Variants in LIN54 observed in about 807,000 individuals in gnomAD.
LIN54 encodes the protein lin-54 DREAM MuvB core complex component.
A neutral mutation model predicts 78.7 loss-of-function variants in LIN54; 9 were observed. That is an observed-to-expected ratio of 0.11 (90% CI 0.07 to 0.20). The LOEUF is 0.20. Among genes scored for constraint, LIN54 ranks in the 10% least tolerant of loss-of-function variants. The pLI is 1.00. For synonymous variants in LIN54, 269 were observed against 318.4 expected (o/e 0.84, Z 1.65); for missense variants, 573 against 889.9 (o/e 0.64, Z 4.53).
In LIN54 at chr4:83,010,781, G is replaced by A; in HGVS notation, c.-330C>T. On this transcript the variant is annotated 5_prime_UTR_variant, in exon 1 of 13. Coordinates refer to ENST00000340417, the MANE Select transcript of LIN54 (RefSeq NM_194282.4). ...ACCATCACAGCTCAGCAGCTTCCCCGACAGCCGGAGCCCGGGCCGCCGCCG... is the reference window on the plus strand; with the variant it reads ...ACCATCACAGCTCAGCAGCTTCCCCAACAGCCGGAGCCCGGGCCGCCGCCG... The A allele has an allele frequency of 3.3e-6, 4 of 1,218,874 alleles. No individual in the cohort carries two copies. Among genetic ancestry groups the A allele is most frequent in the African/African-American group, 1.6e-5 (1 of 63,858 alleles). 75.5% of individuals were successfully genotyped at this position (1,218,874 alleles called of 1,614,324 possible). A position where few individuals can be genotyped will look rare whatever the true frequency, so the allele number is the denominator to read the frequency against.
chr4:82,955,289 G>C (rs1185815813), intron 4 of LIN54, among the ~76,000 whole-genome samples: 3 of 152,002 alleles, frequency 2.0e-5, no homozygotes, highest in Non-Finnish European at 2.9e-5. Flanking sequence ...ACTTGAACCT[G>C]GGAGGTGGAG....
At chr4:82,947,601 T>C (rs1723512632) in intron 4 of LIN54, among the ~76,000 whole-genome samples, 1 of 152,084 alleles carries the variant, frequency 6.6e-6, no homozygotes, top group Non-Finnish European at 1.5e-5. Context: ...AAGACTGATA[T>C]TAATCCTTTT....
intron 4 of LIN54, among the ~76,000 whole-genome samples, chr4:82,951,255 C>T (rs1297807881): frequency 6.6e-6 from 1 of 152,100 alleles, no homozygotes; most frequent in African/African-American, 2.4e-5. Context: ...CGAGAACATT[C>T]AGCACTGATG....
intron 4 of LIN54, among the ~76,000 whole-genome samples, chr4:82,946,823 C>T (rs940523552): frequency 4.6e-5 from 7 of 151,924 alleles, no homozygotes; most frequent in Admixed American, 2.0e-4. Flanking sequence ...CAGAATTAAG[C>T]CCCATATTCA....
At chr4:82,975,552 A>T (rs1024446596) in intron 3 of LIN54, among the ~76,000 whole-genome samples, 2 of 152,018 alleles carry the variant, frequency 1.3e-5, no homozygotes, top group African/African-American at 4.8e-5. Flanking sequence ...CTCCACTAAA[A>T]ATACAAAAAA....
intron 5 of LIN54, among the ~76,000 whole-genome samples, chr4:82,940,429 G>A (rs1329100140): frequency 2.6e-5 from 4 of 151,944 alleles, no homozygotes; most frequent in Admixed American, 2.6e-4. Context: ...CACTCTGTCT[G>A]TCACCCAGGC....
intron 4 of LIN54, among the ~76,000 whole-genome samples, chr4:82,952,813 A>G (rs974827534): frequency 2.0e-5 from 3 of 152,232 alleles, no homozygotes; most frequent in African/African-American, 2.4e-5. Context: ...TGTATATGCT[A>G]TAACACCAAT....
chr4:82,986,702 C>CAA (rs70943178), intron 1 of LIN54, among the ~76,000 whole-genome samples: 323 of 68,206 alleles, frequency 4.7e-3, no homozygotes, highest in African/African-American at 5.9e-3. Flanking sequence ...GACCCCATCT[C>CAA]AAAAAAAAAA....
chr4:82,930,038 C>T (rs1390684736), intron 12 of LIN54, among the ~76,000 whole-genome samples: 1 of 151,968 alleles, frequency 6.6e-6, no homozygotes, highest in Non-Finnish European at 1.5e-5. Context: ...GCTGGGATTA[C>T]AGGCGCACAC....
At chr4:82,975,335 C>CA (rs879876787) in intron 3 of LIN54, among the ~76,000 whole-genome samples, 165 of 128,342 alleles carry the variant, frequency 1.3e-3, no homozygotes, top group Middle Eastern at 4.4e-3. Flanking sequence ...AACTGCATCT[C>CA]AAAAAAAAAA....
upstream of LIN54, chr4:83,011,959 A>C (rs72927141): frequency 3.9e-4 from 353 of 895,330 alleles, 3 homozygotes; most frequent in African/African-American, 6.1e-3. Flanking sequence ...CTACTGTCTA[A>C]GTTAGTGTAG....
intron 4 of LIN54, among the ~76,000 whole-genome samples, chr4:82,964,609 G>C (rs1459411344): frequency 6.6e-6 from 1 of 152,028 alleles, no homozygotes; most frequent in African/African-American, 2.4e-5. Context: ...TTGTAAATTA[G>C]ATGGATAGAT....
intron 1 of LIN54, among the ~76,000 whole-genome samples, chr4:82,987,838 CAT>C (rs1368975834): frequency 2.0e-5 from 3 of 152,222 alleles, no homozygotes; most frequent in African/African-American, 4.8e-5. Flanking sequence ...CTGCAATAAA[CAT>C]ATGTGTGCAT....
At chr4:83,010,873 C>T, upstream of LIN54, 1 of 1,111,580 alleles carries the variant, frequency 9.0e-7, no homozygotes, top group Non-Finnish European at 1.1e-6. Context: ...ACCCGGGAGG[C>T]GCACACCCAC....
intron 1 of LIN54, among the ~76,000 whole-genome samples, chr4:82,993,708 C>T (rs753390882): frequency 2.6e-5 from 4 of 151,966 alleles, no homozygotes; most frequent in Non-Finnish European, 5.9e-5. Context: ...ACCTCTGCTT[C>T]CCAGGTTCAA....
intron 4 of LIN54, among the ~76,000 whole-genome samples, chr4:82,954,399 A>ATTATTTATTTAT (rs10523473): frequency 0.098 from 14,191 of 145,212 alleles, 890 homozygotes; most frequent in Middle Eastern, 0.13. Context: ...TTTATATGAG[A>ATTATTTATTTAT]TTATTTATTT....
intron 1 of LIN54, among the ~76,000 whole-genome samples, chr4:83,008,963 T>A (rs1729639108): frequency 6.6e-6 from 1 of 152,238 alleles, no homozygotes; most frequent in Admixed American, 6.5e-5. Flanking sequence ...AGTCAGCAGC[T>A]ATAAGGCATG....
intron 4 of LIN54, among the ~76,000 whole-genome samples, chr4:82,949,849 T>G (rs564840269): frequency 6.7e-6 from 1 of 148,750 alleles, no homozygotes; most frequent in African/African-American, 2.4e-5. Context: ...TTTTTGCTTT[T>G]TTTTTTTTTT....
chr4:82,970,802 A>AC (rs2126071148), intron 3 of LIN54, among the ~76,000 whole-genome samples: 1 of 152,282 alleles, frequency 6.6e-6, no homozygotes, highest in East Asian at 1.9e-4. Flanking sequence ...CAGAACATGA[A>AC]CCCAAGTCTT....
Sources: gnomAD v4.1 joint callset for allele counts (sites outside exome capture counted in the v4.1 genomes callset) on GRCh38, gnomAD v4.1.1 for gene constraint, MANE v1.5 for transcripts, NCBI Gene and HGNC (gene_info 2026-07-23, HGNC 2026-07-21) for gene names.